The following MLXIP variants were observed in gnomAD, a reference collection of about 807,000 sequenced individuals.
MLXIP encodes the protein MLX interacting protein.
A neutral mutation model predicts 87.2 loss-of-function variants in MLXIP; 30 were observed. The ratio of observed to expected loss-of-function variants is 0.34; its 90% CI spans 0.26 to 0.47. The LOEUF is 0.47. Ranked by LOEUF, MLXIP falls within the 20% of genes least tolerant of loss-of-function variation. The pLI, the probability that MLXIP is intolerant of heterozygous loss-of-function variation, is 1.00. For missense variants in MLXIP, 1,002 were observed against 1,240.1 expected (o/e 0.81, Z 2.88); for synonymous variants, 530 against 514.0 (o/e 1.03, Z -0.42).
chr12:122,122,752 T>C (rs1237596765), intron 1 of MLXIP, among the ~76,000 whole-genome samples: 2 of 152,080 alleles, frequency 1.3e-5, no homozygotes, highest in African/African-American at 4.8e-5. Flanking sequence ...TTTCACCATG[T>C]TAGCCAGGAT....
chr12:122,114,379 A>G (rs571843526), intron 1 of MLXIP, among the ~76,000 whole-genome samples: 41 of 152,308 alleles, frequency 2.7e-4, no homozygotes, highest in African/African-American at 7.9e-4. Flanking sequence ...AACGCACTGA[A>G]AAGTATTATA....
chr12:122,130,977 C>T (rs1393182427), intron 7 of MLXIP, 44 bp downstream of exon 7: 2 of 1,279,250 alleles, frequency 1.6e-6, no homozygotes, highest in Non-Finnish European at 2.3e-6. Context: ...TCCATCTCCC[C>T]CAGCCCAGCA....
intron 1 of MLXIP, among the ~76,000 whole-genome samples, chr12:122,104,642 C>T (rs572243318): frequency 1.5e-5 from 2 of 137,386 alleles, no homozygotes; most frequent in East Asian, 2.1e-4. Flanking sequence ...TGCAATGGTG[C>T]GATCTTGGCT....
rs778503367 is a variant in MLXIP, at chr12:122,143,917, C to G, written c.*2105C>G. 6.6e-6 allele frequency: 1 copy of G among 152,606 alleles called. No individual in the cohort carries two copies. Among genetic ancestry groups the G allele is most frequent in the Admixed American group, 6.5e-5 (1 of 15,280 alleles). 9.5% of individuals were successfully genotyped at this position (152,606 alleles called of 1,614,324 possible). A position where few individuals can be genotyped will look rare whatever the true frequency, so the allele number is the denominator to read the frequency against. ...CTTGAAGTGTGTGTGTGTGTCCCAG[C>G]GACTGTCCACTGTCCAGGAGATGCA... is the stretch of plus-strand genomic sequence containing the variant. On this transcript the variant is annotated 3_prime_UTR_variant, in exon 17 of 17. Transcript: ENST00000319080.
chr12:122,120,576 A>G (rs888351131), intron 1 of MLXIP, among the ~76,000 whole-genome samples: 1 of 152,342 alleles, frequency 6.6e-6, no homozygotes, highest in Non-Finnish European at 1.5e-5. Flanking sequence ...CATCTACTTT[A>G]AAATGGTTAA....
chr12:122,099,109 T>C (rs578180420), intron 1 of MLXIP, among the ~76,000 whole-genome samples: 4 of 152,312 alleles, frequency 2.6e-5, no homozygotes, highest in Non-Finnish European at 5.9e-5. Flanking sequence ...TGGTGGCATG[T>C]GCCCGTGGCC....
intron 9 of MLXIP, chr12:122,134,987 T>A: frequency 2.0e-6 from 1 of 491,656 alleles, no homozygotes; most frequent in South Asian, 2.0e-5. Context: ...CTATCTTTTT[T>A]TTAAAGTTAG....
At chr12:122,081,960 T>C (rs1462095322) in intron 1 of MLXIP, among the ~76,000 whole-genome samples, 1 of 152,232 alleles carries the variant, frequency 6.6e-6, no homozygotes, top group Non-Finnish European at 1.5e-5. Flanking sequence ...TCCTGTTAGC[T>C]GCTGCCTCCC....
At chr12:122,088,807 CT>C (rs995739855) in intron 1 of MLXIP, among the ~76,000 whole-genome samples, 25 of 152,052 alleles carry the variant, frequency 1.6e-4, no homozygotes, top group Non-Finnish European at 2.8e-4. Context: ...AAAAAAACAG[CT>C]TCTTATGTAG....
chr12:122,140,182 G>A (rs1953172304), intron 15 of MLXIP, among the ~76,000 whole-genome samples: 1 of 152,232 alleles, frequency 6.6e-6, no homozygotes, highest in Non-Finnish European at 1.5e-5. Flanking sequence ...ATCAAAGTCC[G>A]AGGGGAAACA....
chr12:122,092,086 T>C (rs1481639849), intron 1 of MLXIP, among the ~76,000 whole-genome samples: 3 of 151,962 alleles, frequency 2.0e-5, no homozygotes, highest in Non-Finnish European at 4.4e-5. Flanking sequence ...TTTTCTTTTC[T>C]TTTCTTTTCT....
intron 1 of MLXIP, among the ~76,000 whole-genome samples, chr12:122,091,753 A>G (rs1023184044): frequency 1.3e-5 from 2 of 152,200 alleles, no homozygotes; most frequent in East Asian, 1.9e-4. Flanking sequence ...CTTGGTCTCA[A>G]TGACAGGCGG....
intron 1 of MLXIP, among the ~76,000 whole-genome samples, chr12:122,081,064 C>A (rs957798709): frequency 3.9e-5 from 6 of 152,142 alleles, no homozygotes; most frequent in Non-Finnish European, 8.8e-5. Flanking sequence ...TTAAACAACA[C>A]CAAATAATTT....
At chr12:122,093,830 AGTGT>A (rs1395945205) in intron 1 of MLXIP, among the ~76,000 whole-genome samples, 3 of 91,588 alleles carry the variant, frequency 3.3e-5, no homozygotes, top group African/African-American at 4.5e-5. Flanking sequence ...TGTGTGTGTC[AGTGT>A]GTGTGGGGTG....
At chr12:122,085,425 A>C (rs1351940839) in intron 1 of MLXIP, among the ~76,000 whole-genome samples, 4 of 147,982 alleles carry the variant, frequency 2.7e-5, no homozygotes, top group Admixed American at 6.7e-5. Flanking sequence ...TTTTTTTGAG[A>C]TGGAGTCTCG....
rs923080424 is a variant in MLXIP, at chr12:122,138,063, C to T, written c.2155-131C>T. On this transcript the variant is annotated intron_variant, in intron 12 of 16. Transcript: ENST00000319080. ...CTCCTCATTGGAGCCTTCAGCTTCT[C>T]GTCGTGCCCTCCTCCCACGTAGCTC... is the stretch of plus-strand genomic sequence containing the variant. 165 of 712,816 alleles carry T rather than the reference C, an allele frequency of 2.3e-4. No homozygotes were observed. The African/African-American group carries it at 2.6e-3, about 11-fold the overall frequency. 44.2% of individuals were successfully genotyped at this position (712,816 alleles called of 1,614,324 possible).
chr12:122,126,783 G>A (rs1952888567), intron 1 of MLXIP, among the ~76,000 whole-genome samples: 1 of 152,182 alleles, frequency 6.6e-6, no homozygotes. Context: ...TGTGACCCAT[G>A]ACTGCCCTTG....
chr12:122,125,162 A>G (rs1217883483), intron 1 of MLXIP, among the ~76,000 whole-genome samples: 1 of 151,878 alleles, frequency 6.6e-6, no homozygotes, highest in Admixed American at 6.6e-5. Context: ...GCGAAACTCC[A>G]TCTCCAAAAA....
chr12:122,088,147 C>G (rs985285435), intron 1 of MLXIP, among the ~76,000 whole-genome samples: 1 of 152,140 alleles, frequency 6.6e-6, no homozygotes, highest in Non-Finnish European at 1.5e-5. Flanking sequence ...TTTGCCCTAC[C>G]CAGGTGCCCT....
Sources: gnomAD v4.1 joint callset for allele counts (sites outside exome capture counted in the v4.1 genomes callset) on GRCh38, gnomAD v4.1.1 for gene constraint, MANE v1.5 for transcripts, NCBI Gene and HGNC (gene_info 2026-07-23, HGNC 2026-07-21) for gene names.